The following MOXD1 variants were observed in gnomAD, a reference collection of about 807,000 sequenced individuals.
The protein encoded by MOXD1 is monooxygenase DBH like 1, also known as DBH-like monooxygenase protein 1.
In MOXD1, 62 loss-of-function variants were observed where a neutral mutation model predicts 66.6. The observed-to-expected ratio is 0.93, with a 90% CI of 0.76 to 1.15. The LOEUF is 1.15. Ranked by LOEUF, MOXD1 falls within the 50% of genes most tolerant of loss-of-function variation. MOXD1 has a pLI of 0.00. For synonymous variants in MOXD1, 303 were observed against 281.9 expected (o/e 1.07, Z -0.75); for missense variants, 847 against 754.6 (o/e 1.12, Z -1.44).
intron 1 of MOXD1, among the ~76,000 whole-genome samples, chr6:132,377,618 C>T (rs1776420356): frequency 6.6e-6 from 1 of 152,130 alleles, no homozygotes; most frequent in South Asian, 2.1e-4. Flanking sequence ...ATGTTGATGA[C>T]CCCTTGCGCC....
rs554604197 is a variant in MOXD1 at position 132,328,386 on chromosome 6, T to G, written c.843+29A>C. 13 of 1,609,834 alleles carry G rather than the reference T, an allele frequency of 8.1e-6. No individual in the cohort carries two copies. In the South Asian group the frequency reaches 1.3e-4, roughly 16 times the overall value. ...GGCGGGAAATATGATCAGTTAATTG[T>G]GTTACATCTCAGTAATCATTAGCCC... On this transcript the variant is annotated intron_variant, in intron 5 of 11. Transcript: ENST00000367963.
At position 132,378,875 on chromosome 6, in the gene MOXD1, C is replaced by CTTTT. The variant is rs3038136; in HGVS notation, c.265-4102_265-4099dup. 7.1e-3 allele frequency among the ~76,000 whole-genome samples: 299 copies of CTTTT among 41,894 alleles called. 122 individuals are homozygous for CTTTT. The highest frequency in any genetic ancestry group is 0.022 in the Middle Eastern group (1 of 46). 27.5% of individuals were successfully genotyped at this position (41,894 alleles called of 152,430 possible). A position where few individuals can be genotyped will look rare whatever the true frequency, so the allele number is the denominator to read the frequency against. ...AATGAAAGAGGACAGAACACTTCCTCTTTTTTTTTTTTTTTTTTTTTTTTT... is the reference window on the plus strand; with the variant it reads ...AATGAAAGAGGACAGAACACTTCCTCTTTTTTTTTTTTTTTTTTTTTTTTTTTTT... On this transcript the variant is annotated intron_variant, in intron 1 of 11. Transcript: ENST00000367963.
In MOXD1 at chr6:132,323,954, A is replaced by G; in HGVS notation, c.1090T>C (p.Cys364Arg). 1.2e-6 allele frequency: 2 copies of G among 1,612,380 alleles called. No homozygotes were observed. The highest frequency in any genetic ancestry group is 1.7e-6 in the Non-Finnish European group (2 of 1,179,516). Residue 364 changes from cysteine to arginine, a missense_variant, in exon 7 of 12, where the codon TGC becomes CGC. By Grantham distance (180) the Cys-to-Arg change is radical (BLOSUM62 -3). Transcript: ENST00000367963. ...GMPEFQSEGHCTLECLEEALE... is the reference protein window; with the variant it reads ...GMPEFQSEGHRTLECLEEALE... ...ACCTCTTCCAGGCACTCCAAAGTGC[A>G]GTGACCCTCAGACTGGAACTCAGGC...
Position 132,297,252 on chromosome 6 carries a change from A to C in MOXD1, c.1743T>G (p.Cys581Trp), listed in dbSNP as rs368639095. The C allele has an allele frequency of 1.1e-5, 18 of 1,613,554 alleles. No individual in the cohort carries two copies. The change falls in exon 12 of 12, where the codon TGT becomes TGG. Residue 581 changes from cysteine (C) to tryptophan (W), a missense_variant. Cys to Trp is a radical substitution (Grantham distance 215). Transcript: ENST00000367963. ...ERPYKAEPLV[C>W]GTSSSSSLHR... is the part of the protein sequence containing the mutation. ...GCAGGGAAGAGGAAGAAGACGTGCCACACACCAAAGGTTCTGCTTTATAGG... is the reference window on the plus strand; with the variant it reads ...GCAGGGAAGAGGAAGAAGACGTGCCCCACACCAAAGGTTCTGCTTTATAGG...
intron 4 of MOXD1, among the ~76,000 whole-genome samples, chr6:132,349,033 A>G (rs1351263747): frequency 1.3e-5 from 2 of 151,680 alleles, no homozygotes; most frequent in African/African-American, 2.4e-5. Context: ...TTGGTTACAT[A>G]AGTAAGTTCT....
rs1249359359 is a variant in MOXD1 at position 132,372,895 on chromosome 6, A to G, written c.514T>C (p.Leu172=). ...SNRGTKSLRL[L]NPEKTSVLST... is the part of the protein sequence containing the mutation. Reference sequence around the variant, plus strand: ...AGCACACTAGTTTTCTCAGGATTCAATAACCGCAAACTCTTGGTGCCCCTA... The same window carrying G: ...AGCACACTAGTTTTCTCAGGATTCAGTAACCGCAAACTCTTGGTGCCCCTA... Residue 172 remains leucine (L), a synonymous_variant, in exon 3 of 12, where the codon TTG becomes CTG. Transcript: ENST00000367963. 1.2e-6 allele frequency: 2 copies of G among 1,614,090 alleles called. No homozygotes were observed. Among genetic ancestry groups the G allele is most frequent in the East Asian group, 4.5e-5 (2 of 44,878 alleles).
At chr6:132,338,708 T>G (rs895826581) in intron 4 of MOXD1, among the ~76,000 whole-genome samples, 1 of 152,234 alleles carries the variant, frequency 6.6e-6, no homozygotes, top group Non-Finnish European at 1.5e-5. Context: ...AACATTTTTT[T>G]GGAACACATT....
At chr6:132,309,167 CAA>C (rs1318782644) in intron 10 of MOXD1, among the ~76,000 whole-genome samples, 1 of 152,144 alleles carries the variant, frequency 6.6e-6, no homozygotes, top group East Asian at 1.9e-4. Context: ...GCATCTTCAG[CAA>C]AGTCTCAGGA....
chr6:132,327,521 C>T (rs1775214759), intron 6 of MOXD1, among the ~76,000 whole-genome samples: 2 of 152,194 alleles, frequency 1.3e-5, no homozygotes, highest in Non-Finnish European at 2.9e-5. Flanking sequence ...ACAAAATGTA[C>T]ATCCTTACAT....
At position 132,297,646 on chromosome 6, in the gene MOXD1, A is replaced by T. The variant is rs949050659; in HGVS notation, c.1677+141T>A. 3 of 1,020,458 alleles carry T rather than the reference A, an allele frequency of 2.9e-6. No individual in the cohort carries two copies. The African/African-American group carries it at 4.9e-5, about 17-fold the overall frequency. The allele number at this position is 1,020,458 out of a possible 1,614,324, so 63.2% of individuals were successfully genotyped here. On this transcript the variant is annotated intron_variant, in intron 11 of 11. Coordinates refer to ENST00000367963, the MANE Select transcript of MOXD1 (RefSeq NM_015529.4). ...TGAGGAGTTTTCAGTCAATCCAAGT[A>T]ATCATTGAACAAAAATTATCAGACA...
chr6:132,323,886 A>AT, intron 7 of MOXD1, 45 bp downstream of exon 7: 1 of 1,506,966 alleles, frequency 6.6e-7, no homozygotes, highest in Non-Finnish European at 8.9e-7. Context: ...TTCTAAGAGC[A>AT]TTGATGAATC....
intron 10 of MOXD1, among the ~76,000 whole-genome samples, chr6:132,300,060 G>A (rs1386023452): frequency 2.0e-5 from 3 of 151,910 alleles, no homozygotes; most frequent in African/African-American, 7.3e-5. Context: ...AGACAATGAG[G>A]AAAATAGGTA....
intron 4 of MOXD1, among the ~76,000 whole-genome samples, chr6:132,354,605 A>C (rs1775872631): frequency 6.6e-6 from 1 of 152,194 alleles, no homozygotes; most frequent in Admixed American, 6.5e-5. Flanking sequence ...TTGGTGATTT[A>C]AAGTTCTATT....
intron 1 of MOXD1, among the ~76,000 whole-genome samples, chr6:132,395,210 T>A (rs1562302544): frequency 6.6e-6 from 1 of 152,108 alleles, no homozygotes; most frequent in Non-Finnish European, 1.5e-5. Flanking sequence ...AAGTTATTCT[T>A]TATAAAATGA....
chr6:132,399,528 A>C (rs1378252702), intron 1 of MOXD1, among the ~76,000 whole-genome samples: 1 of 152,202 alleles, frequency 6.6e-6, no homozygotes, highest in Non-Finnish European at 1.5e-5. Flanking sequence ...AGTTTAACCA[A>C]GTTTATCTTT....
chr6:132,376,145 CTGA>C (rs1402951644), intron 1 of MOXD1, among the ~76,000 whole-genome samples: 7 of 152,084 alleles, frequency 4.6e-5, no homozygotes, highest in Non-Finnish European at 8.8e-5. Context: ...TTTTCAGTAC[CTGA>C]TGATATTTTA....
At position 132,297,211 on chromosome 6, in the gene MOXD1, A is replaced by T; in HGVS notation, c.1784T>A (p.Ile595Asn). The T allele has an allele frequency of 6.2e-7, 1 of 1,613,696 alleles. No homozygotes were observed. Among genetic ancestry groups the T allele is most frequent in the Non-Finnish European group, 8.5e-7 (1 of 1,179,720 alleles). The change falls in exon 12 of 12, where the codon ATC becomes AAC. Residue 595 changes from isoleucine to asparagine, a missense_variant. Transcript: ENST00000367963. Reference protein sequence around the residue: ...SSSSLHRDFSINLLVCLLLLS... With the variant: ...SSSSLHRDFSNNLLVCLLLLS... Reference sequence around the variant, plus strand: ...TAGCAGAAGGCAAACAAGCAAGTTGATGGAGAAATCTCTGTGCAGGGAAGA... The same window carrying T: ...TAGCAGAAGGCAAACAAGCAAGTTGTTGGAGAAATCTCTGTGCAGGGAAGA...
At chr6:132,323,275 C>T (rs773457466) in intron 7 of MOXD1, among the ~76,000 whole-genome samples, 10 of 152,140 alleles carry the variant, frequency 6.6e-5, no homozygotes, top group Non-Finnish European at 1.0e-4. Context: ...TTAAATGAAT[C>T]GCCCATGGTC....
intron 10 of MOXD1, among the ~76,000 whole-genome samples, chr6:132,299,838 A>C (rs949057445): frequency 1.3e-5 from 2 of 151,994 alleles, no homozygotes; most frequent in African/African-American, 2.4e-5. Flanking sequence ...CAGCTGAAGA[A>C]TATACATTAA....
Sources: gnomAD v4.1 joint callset for allele counts (sites outside exome capture counted in the v4.1 genomes callset) on GRCh38, gnomAD v4.1.1 for gene constraint, MANE v1.5 for transcripts, NCBI Gene and HGNC (gene_info 2026-07-23, HGNC 2026-07-21) for gene names.